CARMIL1: variants seen among roughly 807,000 people sequenced by gnomAD.
CARMIL1 encodes capping protein regulator and myosin 1 linker 1.
CARMIL1 carries 90 observed loss-of-function variants against 177.1 expected under a neutral mutation model. That is an observed-to-expected ratio of 0.51 (90% CI 0.43 to 0.61). CARMIL1 has a LOEUF of 0.61. CARMIL1 is among the 20% of genes least tolerant of loss of function. CARMIL1 has a pLI of 0.00. For missense variants in CARMIL1, 1,380 were observed against 1,667.0 expected, an observed-to-expected ratio of 0.83 and a Z score of 3.00; for synonymous variants, 577 against 606.2, an observed-to-expected ratio of 0.95 and a Z score of 0.71.
intron 35 of CARMIL1, 69 bp from the exon 36 acceptor site, chr6:25,609,981 T>C: frequency 6.9e-7 from 1 of 1,440,200 alleles, no homozygotes; most frequent in Non-Finnish European, 9.3e-7. Flanking sequence ...ATATATAGAT[T>C]TACCAGGCTT....
intron 8 of CARMIL1, among the ~76,000 whole-genome samples, chr6:25,462,739 T>G (rs967771424): frequency 3.9e-5 from 6 of 152,206 alleles, no homozygotes; most frequent in African/African-American, 1.4e-4. Context: ...TAGGGCTTTT[T>G]GTTTGTTTGT....
At chr6:25,600,127 G>A (rs1001099150) in intron 32 of CARMIL1, among the ~76,000 whole-genome samples, 187 bp from the exon 33 acceptor site, 8 of 152,106 alleles carry the variant, frequency 5.3e-5, no homozygotes, top group Non-Finnish European at 8.8e-5. Context: ...ATTTTCTCAC[G>A]TGAATATGAT....
chr6:25,568,674 G>A (rs1317708605), intron 29 of CARMIL1, among the ~76,000 whole-genome samples: 2 of 152,120 alleles, frequency 1.3e-5, no homozygotes, highest in Non-Finnish European at 1.5e-5. Flanking sequence ...AATTCAGCAT[G>A]GCCAAAATGA....
In CARMIL1 at chr6:25,500,246, C is replaced by T. The variant is rs1343698048; in HGVS notation, c.1395+11C>T. The T allele has an allele frequency of 6.2e-7, 1 of 1,611,250 alleles. No homozygotes were observed. The highest frequency in any genetic ancestry group is 1.7e-4 in the Middle Eastern group (1 of 6,060). On this transcript the variant is annotated intron_variant, in intron 17 of 36. Coordinates refer to ENST00000329474, the MANE Select transcript of CARMIL1 (RefSeq NM_017640.6). Reference sequence around the variant, plus strand: ...CTCAGCAACTGTGAGGTAAGAACACCCTTAGATTGTATACTGGAATAGATA... The same window carrying T: ...CTCAGCAACTGTGAGGTAAGAACACTCTTAGATTGTATACTGGAATAGATA...
At chr6:25,384,365 A>G (rs1395307768) in intron 2 of CARMIL1, among the ~76,000 whole-genome samples, 1 of 152,256 alleles carries the variant, frequency 6.6e-6, no homozygotes, top group Non-Finnish European at 1.5e-5. Flanking sequence ...CACCTGTGTC[A>G]AAGGTGGCTG....
At chr6:25,485,517 C>A (rs1435149433) in intron 12 of CARMIL1, among the ~76,000 whole-genome samples, 1 of 152,202 alleles carries the variant, frequency 6.6e-6, no homozygotes, top group African/African-American at 2.4e-5. Flanking sequence ...TCACTGCAAC[C>A]TCCACCTCCA....
chr6:25,588,301 AT>A (rs1813963014), intron 31 of CARMIL1, among the ~76,000 whole-genome samples: 3 of 152,276 alleles, frequency 2.0e-5, no homozygotes, highest in East Asian at 1.9e-4. Context: ...AATCTCTGAT[AT>A]TTTGGAGTTT....
chr6:25,309,862 TG>T (rs915454332), intron 2 of CARMIL1, among the ~76,000 whole-genome samples: 7 of 150,620 alleles, frequency 4.6e-5, no homozygotes, highest in African/African-American at 1.2e-4. Context: ...CTCCGTCTCC[TG>T]GGTTCAAGGG....
intron 8 of CARMIL1, among the ~76,000 whole-genome samples, chr6:25,456,573 G>T (rs1388328812): frequency 6.6e-6 from 1 of 152,112 alleles, no homozygotes; most frequent in Admixed American, 6.5e-5. Flanking sequence ...AAAATTTGTT[G>T]TAAATTTCTC....
chr6:25,395,150 T>C (rs1227684284), intron 2 of CARMIL1, among the ~76,000 whole-genome samples: 2 of 152,228 alleles, frequency 1.3e-5, no homozygotes, highest in Non-Finnish European at 2.9e-5. Flanking sequence ...TTGGCTTACA[T>C]CATTGTAAGC....
At chr6:25,435,915 C>T (rs1797187439) in intron 5 of CARMIL1, among the ~76,000 whole-genome samples, 1 of 152,170 alleles carries the variant, frequency 6.6e-6, no homozygotes, top group South Asian at 2.1e-4. Flanking sequence ...ATATTACTCA[C>T]AGCTTATTAC....
At chr6:25,490,251 A>G (rs2150993057) in intron 13 of CARMIL1, among the ~76,000 whole-genome samples, 1 of 152,308 alleles carries the variant, frequency 6.6e-6, no homozygotes, top group East Asian at 1.9e-4. Context: ...TTTCATGGTG[A>G]TAAGAGCTCC....
intron 2 of CARMIL1, among the ~76,000 whole-genome samples, chr6:25,336,208 T>C (rs961178385): frequency 6.6e-6 from 1 of 152,180 alleles, no homozygotes. Flanking sequence ...CCTGTTTGCA[T>C]GCACCCTTCT....
Position 25,450,707 on chromosome 6 carries a change from C to G in CARMIL1, c.610C>G (p.His204Asp). Residue 204 changes from histidine (H) to aspartate (D), a missense_variant, in exon 8 of 37, where the codon CAC becomes GAC. Transcript: ENST00000329474. ...TTTACAAGATTTTAGTCATCTTGAC[C>G]ACAGGTAAGCTGCTTCCTTCCTTCT... ...LNLQDFSHLD[H>D]RDLIPIIAAL... The G allele has an allele frequency of 6.3e-7, 1 of 1,598,160 alleles. No homozygotes were observed. The highest frequency in any genetic ancestry group is 8.5e-7 in the Non-Finnish European group (1 of 1,170,508).
intron 8 of CARMIL1, among the ~76,000 whole-genome samples, chr6:25,451,624 C>T (rs958337783): frequency 7.9e-5 from 12 of 152,168 alleles, no homozygotes; most frequent in Admixed American, 5.2e-4. Context: ...TGTCTCTTAG[C>T]ACAGCAGACC....
At chr6:25,432,122 G>A (rs1581920069) in intron 4 of CARMIL1, among the ~76,000 whole-genome samples, 2 of 151,986 alleles carry the variant, frequency 1.3e-5, no homozygotes, top group South Asian at 2.1e-4. Context: ...ATACATCCGC[G>A]GTGGACGTTT....
intron 29 of CARMIL1, chr6:25,563,377 A>G: frequency 1.0e-6 from 1 of 985,296 alleles, no homozygotes. Context: ...TGGAGAAAAC[A>G]ATGTTTTTAA....
At chr6:25,527,810 A>G (rs1332763962) in intron 23 of CARMIL1, 2 of 281,026 alleles carry the variant, frequency 7.1e-6, no homozygotes, top group South Asian at 3.4e-5. Context: ...ATATTAAGTA[A>G]TAGTCATTTT....
intron 2 of CARMIL1, among the ~76,000 whole-genome samples, chr6:25,289,653 A>G (rs150506671): frequency 6.6e-6 from 1 of 152,168 alleles, no homozygotes; most frequent in Non-Finnish European, 1.5e-5. Context: ...CTCCATTTCT[A>G]TAAATTTGTC....
Sources: allele counts gnomAD v4.1 joint callset (sites outside exome capture counted in the v4.1 genomes callset), GRCh38; gene constraint gnomAD v4.1.1; transcripts MANE v1.5; gene names NCBI Gene and HGNC (gene_info 2026-07-23, HGNC 2026-07-21).